PPEF1: variants seen among roughly 807,000 people sequenced by gnomAD.
The protein encoded by PPEF1 is serine/threonine-protein phosphatase with EF-hands 1.
A neutral mutation model predicts 53.3 loss-of-function variants in PPEF1; 12 were observed. That is an observed-to-expected ratio of 0.23 (90% CI 0.14 to 0.36). PPEF1 has a LOEUF of 0.36. Among genes scored for constraint, PPEF1 ranks in the 10% least tolerant of loss-of-function variants. The probability of loss-of-function intolerance (pLI) is 1.00; values close to 1 mark genes in which losing one functional copy is unlikely to be tolerated. For missense variants in PPEF1, 334 were observed against 490.4 expected (o/e 0.68, Z 3.01); for synonymous variants, 165 against 176.7 (o/e 0.93, Z 0.52).
intron 3 of PPEF1, among the ~76,000 whole-genome samples, chrX:18,690,062 A>G (rs1929278467): frequency 9.0e-6 from 1 of 111,694 alleles, no homozygotes. Flanking sequence ...TTTCACATTT[A>G]TGATTATTTG....
chrX:18,807,181 CACA>C (rs1408529340), intron 12 of PPEF1, among the ~76,000 whole-genome samples: 1 of 110,912 alleles, frequency 9.0e-6, no homozygotes, highest in African/African-American at 3.3e-5. Flanking sequence ...AAGGGCCCGC[CACA>C]ACACCTGGCT....
intron 3 of PPEF1, among the ~76,000 whole-genome samples, chrX:18,739,838 A>G (rs1602399993): frequency 8.9e-6 from 1 of 112,322 alleles, no homozygotes; most frequent in East Asian, 2.8e-4. Flanking sequence ...GCAATGGTGG[A>G]TGCCCCTCCC....
At chrX:18,791,202 G>A (rs1043815711) in intron 10 of PPEF1, among the ~76,000 whole-genome samples, 9 of 111,218 alleles carry the variant, frequency 8.1e-5, no homozygotes, top group Non-Finnish European at 1.7e-4. Context: ...TCTTTTTCCA[G>A]ATCGTTTTGG....
At chrX:18,739,462 C>A (rs899206530) in intron 3 of PPEF1, among the ~76,000 whole-genome samples, 3 of 112,055 alleles carry the variant, frequency 2.7e-5, no homozygotes, top group Non-Finnish European at 5.6e-5. Context: ...TATTGCAGAA[C>A]GGCAAATGTT....
At chrX:18,767,152 A>G (rs752828351) in intron 6 of PPEF1, among the ~76,000 whole-genome samples, 22 of 112,758 alleles carry the variant, frequency 2.0e-4, no homozygotes, top group African/African-American at 7.1e-4. Flanking sequence ...TGTGGAGTGT[A>G]GGGAAGAGAG....
chrX:18,684,845 T>C (rs145890001), intron 2 of PPEF1, among the ~76,000 whole-genome samples: 7 of 111,612 alleles, frequency 6.3e-5, no homozygotes, highest in African/African-American at 9.8e-5. Context: ...CAGGCTGATC[T>C]TGAACTCCTG....
intron 3 of PPEF1, among the ~76,000 whole-genome samples, chrX:18,736,952 A>G (rs1378816736): frequency 8.9e-6 from 1 of 111,881 alleles, no homozygotes; most frequent in Non-Finnish European, 1.9e-5. Flanking sequence ...GGTAGTTTGT[A>G]TTTCTGTGGG....
In PPEF1 at chrX:18,759,858, G is replaced by A. The variant is rs149472316; in HGVS notation, c.512-1672G>A. On this transcript the variant is annotated intron_variant, in intron 5 of 15. Coordinates refer to ENST00000470157, the MANE Select transcript of PPEF1 (RefSeq NM_001377996.1). ...TAAGCAAACTGAGGGAAAAGTATTCGTAAATTAAATTGTATAGTAATTAAG... is the reference window on the plus strand; with the variant it reads ...TAAGCAAACTGAGGGAAAAGTATTCATAAATTAAATTGTATAGTAATTAAG... 5.4e-3 allele frequency among the ~76,000 whole-genome samples: 606 copies of A among 111,994 alleles called. 5 individuals are homozygous for A. Among genetic ancestry groups the A allele is most frequent in the African/African-American group, 0.018 (570 of 30,824 alleles).
intron 4 of PPEF1, among the ~76,000 whole-genome samples, chrX:18,695,257 C>T (rs1486445905): frequency 8.9e-6 from 1 of 112,799 alleles, no homozygotes; most frequent in Non-Finnish European, 1.9e-5. Context: ...GCCACTTGGG[C>T]TTCTCCCACA....
At chrX:18,762,638 G>T (rs2045689532) in intron 6 of PPEF1, among the ~76,000 whole-genome samples, 1 of 112,085 alleles carries the variant, frequency 8.9e-6, no homozygotes, top group African/African-American at 3.2e-5. Flanking sequence ...TAAACAAGGG[G>T]TGGACTATTC....
chrX:18,690,834 C>T (rs1219261826), intron 3 of PPEF1: 1 of 112,650 alleles, frequency 8.9e-6, no homozygotes, highest in Non-Finnish European at 1.9e-5. Flanking sequence ...CAGGTCATGT[C>T]GTCCACATTC....
chrX:18,757,884 C>T (rs1451183682), intron 5 of PPEF1, 143 bp downstream of exon 5: 11 of 375,750 alleles, frequency 2.9e-5, no homozygotes, highest in African/African-American at 2.6e-5. Flanking sequence ...TAATACTGTT[C>T]CCCATCTTGT....
intron 3 of PPEF1, among the ~76,000 whole-genome samples, chrX:18,688,315 G>A (rs1284547601): frequency 8.9e-6 from 1 of 112,234 alleles, no homozygotes; most frequent in Non-Finnish European, 1.9e-5. Flanking sequence ...TGTGACAGAA[G>A]TAAGTAATGG....
In PPEF1 at chrX:18,821,402, T is replaced by A. The variant is rs768533786; in HGVS notation, c.1502-2521T>A. Among the ~76,000 whole-genome samples the A allele has an allele frequency of 3.7e-5, 4 of 108,685 alleles. No homozygotes were observed. In the East Asian group the frequency reaches 8.7e-4, roughly 24 times the overall value. 94.4% of individuals were successfully genotyped at this position (108,685 alleles called of 115,157 possible). On this transcript the variant is annotated intron_variant, in intron 13 of 15. Coordinates refer to ENST00000470157, the MANE Select transcript of PPEF1 (RefSeq NM_001377996.1). ...ATGATTAACAAAGTAAAAAAAAAAA[T>A]TTGTTTTTGTTTTGTTTTGTTTTGA...
At chrX:18,769,021 A>C in intron 6 of PPEF1, among the ~76,000 whole-genome samples, 1 of 112,414 alleles carries the variant, frequency 8.9e-6, no homozygotes, top group East Asian at 2.8e-4. Context: ...GTGGTGCCCT[A>C]CAATAAATGA....
At chrX:18,710,445 G>A (rs1047206914) in intron 1 of PPEF1, among the ~76,000 whole-genome samples, 3 of 111,153 alleles carry the variant, frequency 2.7e-5, no homozygotes, top group African/African-American at 6.5e-5. Flanking sequence ...TTTTGCTCAC[G>A]TCTTACTTTA....
At chrX:18,752,326 T>C (rs1346592259) in intron 4 of PPEF1, among the ~76,000 whole-genome samples, 1 of 111,620 alleles carries the variant, frequency 9.0e-6, no homozygotes, top group Non-Finnish European at 1.9e-5. Flanking sequence ...TCTTATACTC[T>C]GCAGCTTTGA....
chrX:18,804,149 T>C (rs1024359293), intron 11 of PPEF1, 72 bp downstream of exon 11: 2 of 983,751 alleles, frequency 2.0e-6, no homozygotes, highest in Non-Finnish European at 2.8e-6. Context: ...TCACAGAGCA[T>C]GTCTGGCCTA....
At chrX:18,791,973 A>G (rs1474511292) in intron 10 of PPEF1, among the ~76,000 whole-genome samples, 2 of 112,638 alleles carry the variant, frequency 1.8e-5, no homozygotes, top group African/African-American at 6.4e-5. Context: ...AATACAGTAT[A>G]TTATATTGAT....
Sources: allele counts gnomAD v4.1 joint callset (sites outside exome capture counted in the v4.1 genomes callset), GRCh38; gene constraint gnomAD v4.1.1; transcripts MANE v1.5; gene names NCBI Gene and HGNC (gene_info 2026-07-23, HGNC 2026-07-21).